The following KCNN2 variants were observed in gnomAD, a reference collection of about 807,000 sequenced individuals.
KCNN2 encodes the protein potassium calcium-activated channel subfamily N member 2.
A neutral mutation model predicts 55.5 loss-of-function variants in KCNN2; 24 were observed. That is an observed-to-expected ratio of 0.43 (90% CI 0.31 to 0.61). The LOEUF (loss-of-function observed/expected upper bound fraction) is 0.61. KCNN2 is among the 20% of genes least tolerant of loss of function. KCNN2 has a pLI of 0.08. For missense variants in KCNN2, 754 were observed against 853.6 expected (o/e 0.88, Z 1.45); for synonymous variants, 431 against 336.1 (o/e 1.28, Z -3.09).
intron 1 of KCNN2, among the ~76,000 whole-genome samples, chr5:114,202,649 C>T (rs1209647586): frequency 6.3e-5 from 9 of 142,654 alleles, no homozygotes; most frequent in African/African-American, 1.0e-4. Context: ...TGCAGTGGCG[C>T]GATCTCGGCT....
At chr5:114,245,058 A>G (rs1024059973) in intron 2 of KCNN2, among the ~76,000 whole-genome samples, 4 of 152,254 alleles carry the variant, frequency 2.6e-5, no homozygotes, top group African/African-American at 9.6e-5. Flanking sequence ...AGAATTGTCA[A>G]TTAAAGTGTT....
At chr5:114,237,256 T>TCACACA (rs10643853) in intron 2 of KCNN2, among the ~76,000 whole-genome samples, 5,497 of 138,520 alleles carry the variant, frequency 0.04, 119 homozygotes, top group African/African-American at 0.059. Context: ...TTGTCAAAAT[T>TCACACA]CACACACACA....
At chr5:114,102,193 G>A (rs1229363200) in intron 1 of KCNN2, among the ~76,000 whole-genome samples, 4 of 151,998 alleles carry the variant, frequency 2.6e-5, no homozygotes, top group Non-Finnish European at 5.9e-5. Context: ...GTGATGATGA[G>A]CTTTTTTTCA....
At chr5:114,486,620 G>A (rs1747553099) in intron 5 of KCNN2, 1 of 603,154 alleles carries the variant, frequency 1.7e-6, no homozygotes. Flanking sequence ...CCTTCCAGTA[G>A]TGCACAGCCA....
chr5:114,223,222 A>C (rs1463839044), intron 2 of KCNN2, among the ~76,000 whole-genome samples: 1 of 152,218 alleles, frequency 6.6e-6, no homozygotes, highest in Non-Finnish European at 1.5e-5. Context: ...GAAGGTCTGC[A>C]TGGAAAAGTA....
chr5:114,198,406 A>G (rs143874504), intron 1 of KCNN2, among the ~76,000 whole-genome samples: 4,396 of 149,764 alleles, frequency 0.029, 229 homozygotes, highest in African/African-American at 0.1. Flanking sequence ...GTGTATATAT[A>G]TCCATACATA....
chr5:114,474,775 T>C lies in KCNN2; in HGVS notation c.1890+1611T>C, dbSNP rs542764698. Among the ~76,000 whole-genome samples the C allele has an allele frequency of 4.6e-5, 7 of 152,282 alleles. No homozygotes were observed. In the East Asian group the frequency reaches 5.8e-4, roughly 13 times the overall value. Reference sequence around the variant, plus strand: ...TAAGACCCTTGTAATCCATATTATTTTACCATGAAGATTATACATTTCCTC... The same window carrying C: ...TAAGACCCTTGTAATCCATATTATTCTACCATGAAGATTATACATTTCCTC... On this transcript the variant is annotated intron_variant, in intron 5 of 7. Transcript: ENST00000673685.
At chr5:114,392,584 G>A (rs1169636822) in intron 2 of KCNN2, among the ~76,000 whole-genome samples, 2 of 152,118 alleles carry the variant, frequency 1.3e-5, no homozygotes, top group Non-Finnish European at 2.9e-5. Flanking sequence ...GGTGAATTCT[G>A]AACATAGCTT....
intron 2 of KCNN2, among the ~76,000 whole-genome samples, chr5:114,332,946 T>A (rs1756850568): frequency 1.3e-5 from 2 of 152,148 alleles, no homozygotes; most frequent in African/African-American, 2.4e-5. Flanking sequence ...TAATTCCTCC[T>A]TGGAGAAATT....
At chr5:114,265,511 A>G (rs1177281295) in intron 2 of KCNN2, among the ~76,000 whole-genome samples, 1 of 152,168 alleles carries the variant, frequency 6.6e-6, no homozygotes, top group Non-Finnish European at 1.5e-5. Flanking sequence ...ACCCAGGAAG[A>G]GCCAGTGTTT....
intron 1 of KCNN2, among the ~76,000 whole-genome samples, chr5:114,145,857 G>A (rs750433654): frequency 6.6e-5 from 10 of 152,154 alleles, no homozygotes; most frequent in Non-Finnish European, 1.5e-4. Context: ...CGCTGGAGAC[G>A]AGTTGTTTAG....
intron 2 of KCNN2, among the ~76,000 whole-genome samples, chr5:114,376,097 C>T (rs1757929565): frequency 6.6e-6 from 1 of 150,876 alleles, no homozygotes; most frequent in African/African-American, 2.5e-5. Context: ...CCAATGTGTC[C>T]TTTGGATGTT....
intron 2 of KCNN2, among the ~76,000 whole-genome samples, chr5:114,402,968 A>G (rs1296875753): frequency 6.6e-6 from 1 of 152,220 alleles, no homozygotes; most frequent in East Asian, 1.9e-4. Flanking sequence ...CCTGAAAAAA[A>G]GAGAGTAGAG....
chr5:114,056,181 G>A (rs985072040), exon 1 of KCNN2: 2 of 393,558 alleles, frequency 5.1e-6, no homozygotes, highest in African/African-American at 4.1e-5. Context: ...TCAGCAGCGA[G>A]TGGGCAGCGG....
At chr5:114,412,229 C>G (rs1435115748) in intron 3 of KCNN2, among the ~76,000 whole-genome samples, 1 of 152,140 alleles carries the variant, frequency 6.6e-6, no homozygotes, top group Non-Finnish European at 1.5e-5. Context: ...CTTGTACATA[C>G]TGATTTAAAA....
intron 2 of KCNN2, among the ~76,000 whole-genome samples, chr5:114,381,290 C>A (rs1580770958): frequency 6.6e-6 from 1 of 152,088 alleles, no homozygotes; most frequent in African/African-American, 2.4e-5. Context: ...AAATGGCTGG[C>A]AGTACAGTCA....
chr5:114,201,519 C>G (rs1473202178), intron 1 of KCNN2, among the ~76,000 whole-genome samples: 1 of 152,032 alleles, frequency 6.6e-6, no homozygotes, highest in Admixed American at 6.5e-5. Flanking sequence ...TGTTGGTTTC[C>G]TAGCAACCTA....
intron 1 of KCNN2, among the ~76,000 whole-genome samples, chr5:114,134,641 A>C (rs1429983455): frequency 6.6e-6 from 1 of 151,864 alleles, no homozygotes; most frequent in African/African-American, 2.4e-5. Flanking sequence ...GCTCCCGGCA[A>C]ATTTTTTGTA....
At chr5:114,402,993 C>T (rs756610183) in intron 2 of KCNN2, among the ~76,000 whole-genome samples, 3 of 152,116 alleles carry the variant, frequency 2.0e-5, no homozygotes, top group Non-Finnish European at 4.4e-5. Flanking sequence ...GTGCGAGGAG[C>T]AAGTGCATTG....
Sources: allele counts gnomAD v4.1 joint callset (sites outside exome capture counted in the v4.1 genomes callset), GRCh38; gene constraint gnomAD v4.1.1; transcripts MANE v1.5; gene names NCBI Gene and HGNC (gene_info 2026-07-23, HGNC 2026-07-21).